The following DIP2C variants were observed in gnomAD, a reference collection of about 807,000 sequenced individuals.
DIP2C encodes DIP2 acetate--CoA ligase C (putative).
DIP2C carries 33 observed loss-of-function variants against 192.4 expected under a neutral mutation model. The observed-to-expected ratio is 0.17, with a 90% CI of 0.13 to 0.23. The LOEUF is 0.23. Among genes scored for constraint, DIP2C ranks in the 10% least tolerant of loss-of-function variants. The pLI is 1.00. For synonymous variants in DIP2C, 979 were observed against 864.1 expected (o/e 1.13, Z -2.33); for missense variants, 1,537 against 2,110.1 (o/e 0.73, Z 5.32).
intron 1 of DIP2C, among the ~76,000 whole-genome samples, chr10:510,709 A>C (rs1845954421): frequency 6.6e-6 from 1 of 152,230 alleles, no homozygotes; most frequent in African/African-American, 2.4e-5. Context: ...AGAGCAGCTG[A>C]CTGCATCTCA....
Position 583,642 on chromosome 10 carries a change from C to T in DIP2C, c.86-97112G>A, listed in dbSNP as rs543417144. ...GCTGCTCCCGAGACTGTGCTGAAAC[C>T]GATCTGTGCACGCCAAGCAGCTCTC... On this transcript the variant is annotated intron_variant, in intron 1 of 36. Transcript: ENST00000280886. 3.3e-5 allele frequency among the ~76,000 whole-genome samples: 5 copies of T among 152,338 alleles called. No individual in the cohort carries two copies. The East Asian group carries it at 5.8e-4, about 18-fold the overall frequency.
At chr10:405,451 G>T (rs1272530663) in intron 9 of DIP2C, among the ~76,000 whole-genome samples, 1 of 152,194 alleles carries the variant, frequency 6.6e-6, no homozygotes, top group Non-Finnish European at 1.5e-5. Context: ...ACAAGTAATG[G>T]ATAGAAAAGG....
intron 1 of DIP2C, among the ~76,000 whole-genome samples, chr10:536,981 A>ACT (rs1413723020): frequency 2.0e-5 from 3 of 152,210 alleles, no homozygotes; most frequent in African/African-American, 7.2e-5. Context: ...ATAGAAGATG[A>ACT]ACAAAAGAAG....
chr10:545,827 A>G (rs1240081185), intron 1 of DIP2C, among the ~76,000 whole-genome samples: 1 of 152,230 alleles, frequency 6.6e-6, no homozygotes, highest in Non-Finnish European at 1.5e-5. Flanking sequence ...TAAGTTGCGA[A>G]AGGAAAAAAG....
chr10:591,270 G>C (rs948850937), intron 1 of DIP2C, among the ~76,000 whole-genome samples: 2 of 152,064 alleles, frequency 1.3e-5, no homozygotes, highest in African/African-American at 4.8e-5. Flanking sequence ...GATTACAGGT[G>C]CCCGCCACCA....
chr10:454,864 C>T (rs1050438957), intron 3 of DIP2C, among the ~76,000 whole-genome samples: 4 of 152,192 alleles, frequency 2.6e-5, no homozygotes, highest in Admixed American at 1.3e-4. Context: ...TGCTTGAAGT[C>T]ATTATTGCTG....
At chr10:618,496 C>T (rs1203016783) in intron 1 of DIP2C, among the ~76,000 whole-genome samples, 10 of 152,296 alleles carry the variant, frequency 6.6e-5, no homozygotes, top group East Asian at 1.9e-4. Flanking sequence ...GCTCAAGGCA[C>T]GAGCAGGCGC....
At chr10:580,915 A>G (rs564399602) in intron 1 of DIP2C, among the ~76,000 whole-genome samples, 3 of 152,288 alleles carry the variant, frequency 2.0e-5, no homozygotes, top group Non-Finnish European at 4.4e-5. Flanking sequence ...CTCACGATGA[A>G]GCACTCCTTA....
intron 31 of DIP2C, among the ~76,000 whole-genome samples, chr10:314,970 G>A (rs554713751): frequency 1.3e-5 from 2 of 152,282 alleles, no homozygotes; most frequent in Middle Eastern, 3.4e-3. Context: ...TTATTGGTGC[G>A]ATTGCTGTTG....
At chr10:418,971 C>T (rs1965987821) in intron 6 of DIP2C, 94 bp downstream of exon 6, 1 of 1,560,308 alleles carries the variant, frequency 6.4e-7, no homozygotes, top group South Asian at 1.2e-5. Flanking sequence ...ACCGATTGTA[C>T]CCCAGGAAGA....
At position 344,926 on chromosome 10, in the gene DIP2C, G is replaced by A. The variant is rs766990306; in HGVS notation, c.3344-8C>T. On this transcript the variant is annotated splice_region_variant and splice_polypyrimidine_tract_variant and intron_variant, in intron 27 of 36. Transcript: ENST00000280886. ...GCTTCTTTGGCAAATCATCTGGAGA[G>A]GAACATGACTATCAGCAGATCCAGC... 5 of 1,604,542 alleles carry A rather than the reference G, an allele frequency of 3.1e-6. No individual in the cohort carries two copies. In the South Asian group the frequency reaches 5.6e-5, roughly 18 times the overall value.
At position 334,304 on chromosome 10, in the gene DIP2C, C is replaced by CAAAAAAAAAAA. The variant is rs35031456; in HGVS notation, c.3585-4714_3585-4704dup. ...CCCGGGTGACAGAGCAAGACTGTCT[C>CAAAAAAAAAAA]AAAAAAAAAAAAAAAAAAAAAGAAA... On this transcript the variant is annotated intron_variant, in intron 29 of 36. Coordinates refer to ENST00000280886, the MANE Select transcript of DIP2C (RefSeq NM_014974.3). Among the ~76,000 whole-genome samples, 231 of 82,388 alleles carry CAAAAAAAAAAA rather than the reference C, an allele frequency of 2.8e-3. 13 individuals are homozygous for CAAAAAAAAAAA. The highest frequency in any genetic ancestry group is 0.011 in the African/African-American group (223 of 19,420). 54.0% of individuals were successfully genotyped at this position (82,388 alleles called of 152,430 possible).
intron 1 of DIP2C, among the ~76,000 whole-genome samples, chr10:610,485 G>T (rs1318349155): frequency 6.6e-6 from 1 of 152,230 alleles, no homozygotes; most frequent in Non-Finnish European, 1.5e-5. Context: ...TGTTTAAAGT[G>T]AAAGACATCC....
intron 1 of DIP2C, among the ~76,000 whole-genome samples, chr10:555,837 C>A (rs1456070310): frequency 6.6e-6 from 1 of 152,122 alleles, no homozygotes; most frequent in African/African-American, 2.4e-5. Context: ...CTCCGTTCCA[C>A]CCCCACGGGA....
chr10:560,800 A>G (rs999769894), intron 1 of DIP2C, among the ~76,000 whole-genome samples: 5 of 152,006 alleles, frequency 3.3e-5, no homozygotes, highest in African/African-American at 1.2e-4. Flanking sequence ...AGTCCAGGCC[A>G]TGATCGGTGG....
At chr10:631,254 A>C (rs1315778538) in intron 1 of DIP2C, 1 of 152,250 alleles carries the variant, frequency 6.6e-6, no homozygotes, top group Non-Finnish European at 1.5e-5. Flanking sequence ...TTTTCAAAGC[A>C]CCACGTGCCT....
intron 1 of DIP2C, among the ~76,000 whole-genome samples, chr10:487,556 C>T (rs1442361852): frequency 1.3e-5 from 2 of 148,550 alleles, no homozygotes; most frequent in Admixed American, 1.3e-4. Context: ...CGCATCCGCC[C>T]ATCAATGAGT....
intron 1 of DIP2C, among the ~76,000 whole-genome samples, chr10:628,003 G>GT (rs1227271827): frequency 6.6e-6 from 1 of 152,220 alleles, no homozygotes; most frequent in African/African-American, 2.4e-5. Context: ...ATGTTTAAAG[G>GT]TCTTTAAATA....
chr10:335,362 T>C (rs1316676071), intron 29 of DIP2C, among the ~76,000 whole-genome samples: 1 of 152,214 alleles, frequency 6.6e-6, no homozygotes, highest in African/African-American at 2.4e-5. Flanking sequence ...AACAAGTCTA[T>C]TTTCCTCCAT....
Sources: allele counts gnomAD v4.1 joint callset (sites outside exome capture counted in the v4.1 genomes callset), GRCh38; gene constraint gnomAD v4.1.1; transcripts MANE v1.5; gene names NCBI Gene and HGNC (gene_info 2026-07-23, HGNC 2026-07-21).